Variants in EML4 observed in about 807,000 individuals in gnomAD.
The protein encoded by EML4 is echinoderm microtubule-associated protein-like 4.
In EML4, 72 loss-of-function variants were observed where a neutral mutation model predicts 129.0. The ratio of observed to expected loss-of-function variants is 0.56; its 90% CI spans 0.46 to 0.68. EML4 has a LOEUF of 0.68. Ranked by LOEUF, EML4 falls within the 30% of genes least tolerant of loss-of-function variation. EML4 has a pLI of 0.00. For missense variants in EML4, 1,363 were observed against 1,190.6 expected, an observed-to-expected ratio of 1.14 and a Z score of -2.13; for synonymous variants, 532 against 405.0, an observed-to-expected ratio of 1.31 and a Z score of -3.77.
intron 6 of EML4, among the ~76,000 whole-genome samples, chr2:42,267,893 C>G (rs576323224): frequency 6.6e-6 from 1 of 152,116 alleles, no homozygotes; most frequent in Non-Finnish European, 1.5e-5. Context: ...TGAATAAGTT[C>G]CATGTAGGAC....
chr2:42,185,198 G>C (rs933088754), intron 1 of EML4, among the ~76,000 whole-genome samples: 2 of 152,120 alleles, frequency 1.3e-5, no homozygotes, highest in Admixed American at 6.5e-5. Context: ...CTTCTGGCCA[G>C]CCTGGTCTCT....
At chr2:42,301,451 C>G in intron 14 of EML4, 59 bp downstream of exon 14, 1 of 1,325,336 alleles carries the variant, frequency 7.5e-7, no homozygotes, top group South Asian at 1.5e-5. Context: ...TATTTTGTCC[C>G]ACATTAAGAT....
At chr2:42,214,239 T>A (rs996400179) in intron 1 of EML4, among the ~76,000 whole-genome samples, 1 of 152,202 alleles carries the variant, frequency 6.6e-6, no homozygotes, top group Non-Finnish European at 1.5e-5. Flanking sequence ...AAAATTTATG[T>A]CTAGTACATT....
intron 1 of EML4, among the ~76,000 whole-genome samples, chr2:42,229,587 T>A (rs1674192895): frequency 1.3e-5 from 2 of 151,920 alleles, no homozygotes; most frequent in Non-Finnish European, 1.5e-5. Flanking sequence ...GAAATGTGAG[T>A]GAGTGAGTTT....
intron 1 of EML4, among the ~76,000 whole-genome samples, chr2:42,202,837 G>A (rs1440460314): frequency 6.6e-6 from 1 of 151,970 alleles, no homozygotes; most frequent in Non-Finnish European, 1.5e-5. Flanking sequence ...CATCACACCT[G>A]GGCAACGTAG....
At chr2:42,325,082 T>A (rs1669714882) in intron 19 of EML4, 1 of 397,928 alleles carries the variant, frequency 2.5e-6, no homozygotes, top group Non-Finnish European at 5.1e-6. Context: ...CCTGATGCCT[T>A]ATGCACAACT....
At chr2:42,228,220 C>CAA (rs35772596) in intron 1 of EML4, among the ~76,000 whole-genome samples, 104 of 143,390 alleles carry the variant, frequency 7.3e-4, no homozygotes, top group Admixed American at 2.5e-3. Context: ...GACTCTGTCT[C>CAA]AAAAAAAAAA....
At chr2:42,193,401 T>G (rs561595518) in intron 1 of EML4, among the ~76,000 whole-genome samples, 1 of 149,744 alleles carries the variant, frequency 6.7e-6, no homozygotes. Flanking sequence ...AAGCTGGTTT[T>G]TAGATGAACG....
At chr2:42,223,067 A>G (rs1558515818) in intron 1 of EML4, among the ~76,000 whole-genome samples, 1 of 152,038 alleles carries the variant, frequency 6.6e-6, no homozygotes, top group Non-Finnish European at 1.5e-5. Flanking sequence ...GGCCTCCCAA[A>G]GTGCTGGGAT....
intron 8 of EML4, among the ~76,000 whole-genome samples, chr2:42,284,292 A>C (rs904277243): frequency 6.6e-6 from 1 of 152,246 alleles, no homozygotes; most frequent in African/African-American, 2.4e-5. Context: ...AAACAGCACA[A>C]TATTGCATCT....
At position 42,242,566 on chromosome 2, in the gene EML4, G is replaced by C. The variant is rs189095083; in HGVS notation, c.26-2939G>C. 2.6e-5 allele frequency among the ~76,000 whole-genome samples: 4 copies of C among 152,120 alleles called. No individual in the cohort carries two copies. In the East Asian group the frequency reaches 7.7e-4, roughly 29 times the overall value. On this transcript the variant is annotated intron_variant, in intron 1 of 22. Coordinates refer to ENST00000318522, the MANE Select transcript of EML4 (RefSeq NM_019063.5). ...CTCTACCTCTGGGAAATTCAAGAGG[G>C]CTTCATTTGGCCTATCCTGTATCTC...
At chr2:42,209,678 C>G (rs1473610075) in intron 1 of EML4, among the ~76,000 whole-genome samples, 1 of 152,140 alleles carries the variant, frequency 6.6e-6, no homozygotes, top group African/African-American at 2.4e-5. Flanking sequence ...GCCTGCAATC[C>G]CAGCACTTTG....
At chr2:42,295,558 C>G (rs1433363508) in intron 13 of EML4, 42 bp downstream of exon 13, 2 of 1,576,068 alleles carry the variant, frequency 1.3e-6, no homozygotes, top group African/African-American at 2.7e-5. Flanking sequence ...GTAATTCTCA[C>G]ATAGTACTCT....
At chr2:42,307,366 A>T (rs909291020) in intron 17 of EML4, among the ~76,000 whole-genome samples, 4 of 152,230 alleles carry the variant, frequency 2.6e-5, no homozygotes, top group Non-Finnish European at 5.9e-5. Context: ...GTGATGTGAT[A>T]ACTAAATTGA....
At chr2:42,179,037 G>C (rs1400061158) in intron 1 of EML4, among the ~76,000 whole-genome samples, 2 of 152,308 alleles carry the variant, frequency 1.3e-5, no homozygotes, top group African/African-American at 4.8e-5. Flanking sequence ...ACTTGTAAGG[G>C]GGGGAAACAG....
chr2:42,302,372 C>A (rs536522849), intron 14 of EML4, among the ~76,000 whole-genome samples: 6 of 152,042 alleles, frequency 3.9e-5, no homozygotes, highest in African/African-American at 9.6e-5. Flanking sequence ...TTGATCCTTA[C>A]AACAATCAAG....
chr2:42,305,368 GC>G (rs1399041627), intron 17 of EML4, among the ~76,000 whole-genome samples: 11 of 152,282 alleles, frequency 7.2e-5, no homozygotes, highest in Admixed American at 5.9e-4. Flanking sequence ...GTCATTATGG[GC>G]TTCATTGAAA....
At chr2:42,207,156 G>A (rs1672604778) in intron 1 of EML4, among the ~76,000 whole-genome samples, 1 of 152,018 alleles carries the variant, frequency 6.6e-6, no homozygotes. Context: ...TTTTAAGTTG[G>A]ATGTATAACA....
At chr2:42,243,653 A>C (rs905665889) in intron 1 of EML4, among the ~76,000 whole-genome samples, 2 of 152,174 alleles carry the variant, frequency 1.3e-5, no homozygotes, top group African/African-American at 4.8e-5. Flanking sequence ...TTCAATATCT[A>C]CGTCTCAAAG....
Sources: allele counts gnomAD v4.1 joint callset (sites outside exome capture counted in the v4.1 genomes callset), GRCh38; gene constraint gnomAD v4.1.1; transcripts MANE v1.5; gene names NCBI Gene and HGNC (gene_info 2026-07-23, HGNC 2026-07-21).